Variants in KLK6 observed in about 807,000 individuals in gnomAD.
KLK6 encodes kallikrein-6.
Under a neutral mutation model 21.7 loss-of-function variants are expected in KLK6, and 16 were observed. That is an observed-to-expected ratio of 0.74 (90% CI 0.50 to 1.12). The LOEUF (loss-of-function observed/expected upper bound fraction) is 1.12. KLK6 is among the 50% of genes most tolerant of loss of function. KLK6 has a pLI of 0.00. For missense variants in KLK6, 276 were observed against 304.6 expected (o/e 0.91, Z 0.70); for synonymous variants, 116 against 120.1 (o/e 0.97, Z 0.22).
At chr19:50,968,767 T>C (rs1379450145) in intron 1 of KLK6, 176 bp from the exon 2 acceptor site, 1 of 154,154 alleles carries the variant, frequency 6.5e-6, no homozygotes, top group Non-Finnish European at 1.4e-5. Context: ...GCTGGTTCTG[T>C]CCCCAGATGC....
chr19:50,961,424 G>A (rs906416925), intron 6 of KLK6, among the ~76,000 whole-genome samples: 5 of 152,186 alleles, frequency 3.3e-5, no homozygotes, highest in South Asian at 4.1e-4. Flanking sequence ...CTCCTGCTTC[G>A]GCCTCCCAAA....
At chr19:50,966,955 T>TTTCAA (rs2090935989) in intron 4 of KLK6, among the ~76,000 whole-genome samples, 2 of 152,072 alleles carry the variant, frequency 1.3e-5, no homozygotes, top group Non-Finnish European at 2.9e-5. Flanking sequence ...TGCTTGTTTT[T>TTTCAA]TTTTGTTTTC....
At chr19:50,965,094 T>TTTTG (rs564163261) in intron 4 of KLK6, among the ~76,000 whole-genome samples, 1 of 152,196 alleles carries the variant, frequency 6.6e-6, no homozygotes, top group Non-Finnish European at 1.5e-5. Context: ...GGTTTGCTTC[T>TTTTG]TTTGTTTGTT....
Position 50,967,169 on chromosome 19 carries a change from G to T in KLK6, c.197C>A (p.Pro66Gln). ...WVLTAAHCKK[P>Q]NLQVFLGKHN... is the part of the protein sequence containing the mutation. Reference sequence around the variant, plus strand: ...CTGTTCATTTACAGTGTAGACTCACGGTTTTTTGCAGTGGGCAGCTGTGAG... The same window carrying T: ...CTGTTCATTTACAGTGTAGACTCACTGTTTTTTGCAGTGGGCAGCTGTGAG... The change falls in exon 4 of 7, where the codon CCG (proline) becomes CAG (glutamine). Residue 66 changes from proline to glutamine, a missense_variant and splice_region_variant. Transcript: ENST00000310157. 1 of 1,613,882 alleles carries T rather than the reference G, an allele frequency of 6.2e-7. No individual in the cohort carries two copies. Among genetic ancestry groups the T allele is most frequent in the Non-Finnish European group, 8.5e-7 (1 of 1,179,962 alleles).
intron 1 of KLK6, among the ~76,000 whole-genome samples, chr19:50,969,169 G>A (rs1227349280): frequency 3.4e-5 from 5 of 148,740 alleles, no homozygotes; most frequent in African/African-American, 9.9e-5. Flanking sequence ...GGAGGAGGTG[G>A]GAACTTGGAC....
Position 50,961,888 on chromosome 19 carries a change from G to A in KLK6, c.446-8C>T. 6.2e-7 allele frequency: 1 copy of A among 1,612,222 alleles called. No individual in the cohort carries two copies. Among genetic ancestry groups the A allele is most frequent in the Non-Finnish European group, 8.5e-7 (1 of 1,179,022 alleles). On this transcript the variant is annotated splice_region_variant and splice_polypyrimidine_tract_variant and intron_variant, in intron 5 of 6. Coordinates refer to ENST00000310157, the MANE Select transcript of KLK6 (RefSeq NM_002774.4). Reference sequence around the variant, plus strand: ...TGGTGTCAGGGAAATCACCTGTTAGGGGAGAGATGGGCCAGACTCAGCCCA... The same window carrying A: ...TGGTGTCAGGGAAATCACCTGTTAGAGGAGAGATGGGCCAGACTCAGCCCA...
intron 6 of KLK6, among the ~76,000 whole-genome samples, chr19:50,961,120 G>T: frequency 3.2e-5 from 1 of 31,388 alleles, no homozygotes; most frequent in African/African-American, 1.6e-4. Context: ...GGCTGGTCTC[G>T]AACTCCTGAC....
intron 4 of KLK6, among the ~76,000 whole-genome samples, chr19:50,964,321 C>T (rs1005689578): frequency 1.3e-5 from 2 of 152,226 alleles, no homozygotes; most frequent in Non-Finnish European, 2.9e-5. Context: ...CAATTCCTAT[C>T]TCCCTCCCCT....
At position 50,959,180 on chromosome 19, in the gene KLK6, G is replaced by GT. The variant is rs750767249; in HGVS notation, c.718dup (p.Thr240AsnfsTer45). ...ATGTCAGGGTCACTTGGCCTGAATG[G>GT]TTTTTTGGATCCAGTTCGTGTATCT... On this transcript the variant is annotated frameshift_variant, in exon 7 of 7. Transcript: ENST00000310157. LOFTEE classifies it high-confidence loss of function. 6.2e-6 allele frequency: 10 copies of GT among 1,614,128 alleles called. No homozygotes were observed. In the East Asian group the frequency reaches 1.6e-4, roughly 25 times the overall value.
chr19:50,958,876 G>T lies in KLK6; in HGVS notation c.*288C>A. On this transcript the variant is annotated 3_prime_UTR_variant, in exon 7 of 7. Coordinates refer to ENST00000310157, the MANE Select transcript of KLK6 (RefSeq NM_002774.4). ...GGGCCTCTGCAGGAAGAAATCAAACGTGTGGAAGGGTTGGGGAGAGGAGAT... is the reference window on the plus strand; with the variant it reads ...GGGCCTCTGCAGGAAGAAATCAAACTTGTGGAAGGGTTGGGGAGAGGAGAT... 2.5e-6 allele frequency: 1 copy of T among 403,328 alleles called. No individual in the cohort carries two copies. 25.0% of individuals were successfully genotyped at this position (403,328 alleles called of 1,614,324 possible). A position where few individuals can be genotyped will look rare whatever the true frequency, so the allele number is the denominator to read the frequency against.
chr19:50,969,567 C>G lies in KLK6; in HGVS notation c.-137G>C, dbSNP rs2090982875. 1 of 152,452 alleles carries G rather than the reference C, an allele frequency of 6.6e-6. No individual in the cohort carries two copies. Among genetic ancestry groups the G allele is most frequent in the Non-Finnish European group, 1.5e-5 (1 of 68,308 alleles). The allele number at this position is 152,452 out of a possible 1,614,324, so 9.4% of individuals were successfully genotyped here. ...AGAGCGAGCCAGCCAGCCGGGGAGACAGCTACAGCGTGTGTCACCACACTG... is the reference window on the plus strand; with the variant it reads ...AGAGCGAGCCAGCCAGCCGGGGAGAGAGCTACAGCGTGTGTCACCACACTG... On this transcript the variant is annotated 5_prime_UTR_variant, in exon 1 of 7. Coordinates refer to ENST00000310157, the MANE Select transcript of KLK6 (RefSeq NM_002774.4).
chr19:50,968,227 T>TG, intron 2 of KLK6, 115 bp from the exon 3 acceptor site: 2 of 922,568 alleles, frequency 2.2e-6, no homozygotes, highest in South Asian at 2.6e-5. Context: ...TCTCCTGCCT[T>TG]GACCTCTGTC....
chr19:50,960,272 T>C (rs1442582007), intron 6 of KLK6, among the ~76,000 whole-genome samples: 1 of 151,914 alleles, frequency 6.6e-6, no homozygotes, highest in Non-Finnish European at 1.5e-5. Context: ...CTCGCCCACC[T>C]GCCCTTTCTT....
intron 3 of KLK6, among the ~76,000 whole-genome samples, 196 bp downstream of exon 3, chr19:50,967,869 C>G (rs531175393): frequency 6.6e-6 from 1 of 151,756 alleles, no homozygotes; most frequent in East Asian, 1.9e-4. Context: ...CCCAAACCCT[C>G]ATATCTTCAA....
chr19:50,960,464 G>A (rs556105751), intron 6 of KLK6, among the ~76,000 whole-genome samples: 1 of 152,060 alleles, frequency 6.6e-6, no homozygotes, highest in Non-Finnish European at 1.5e-5. Flanking sequence ...TAAAGTATTC[G>A]GGAGGGAGTC....
rs1021139548 is a variant in KLK6 at position 50,961,976 on chromosome 19, A to G, written c.446-96T>C. The G allele has an allele frequency of 2.3e-6, 3 of 1,329,510 alleles. No individual in the cohort carries two copies. The African/African-American group carries it at 4.6e-5, about 21-fold the overall frequency. The allele number at this position is 1,329,510 out of a possible 1,614,324, so 82.4% of individuals were successfully genotyped here. A position where few individuals can be genotyped will look rare whatever the true frequency, so the allele number is the denominator to read the frequency against. On this transcript the variant is annotated intron_variant, in intron 5 of 6. Coordinates refer to ENST00000310157, the MANE Select transcript of KLK6 (RefSeq NM_002774.4). ...AACCCCTATAAGTCCTCCATCCTCT[A>G]TTGGTCCCTCTTTTCTATTGGCACC...
chr19:50,960,674 C>T (rs1170724298), intron 6 of KLK6, among the ~76,000 whole-genome samples: 1 of 152,128 alleles, frequency 6.6e-6, no homozygotes, highest in Non-Finnish European at 1.5e-5. Flanking sequence ...CTCACTGCAG[C>T]CTCTGCCTCC....
chr19:50,967,714 A>AT (rs1425188862), intron 3 of KLK6, among the ~76,000 whole-genome samples: 2 of 151,742 alleles, frequency 1.3e-5, no homozygotes, highest in East Asian at 3.9e-4. Flanking sequence ...CAAAAAAAAA[A>AT]AGCTTCTCTG....
intron 3 of KLK6, 84 bp from the exon 4 acceptor site, chr19:50,967,409 G>A (rs909468273): frequency 2.2e-5 from 30 of 1,354,926 alleles, no homozygotes; most frequent in South Asian, 2.8e-5. Flanking sequence ...GTCAAGATTG[G>A]TCAGGTGCAG....
Sources: gnomAD v4.1 joint callset for allele counts (sites outside exome capture counted in the v4.1 genomes callset) on GRCh38, gnomAD v4.1.1 for gene constraint, MANE v1.5 for transcripts, NCBI Gene and HGNC (gene_info 2026-07-23, HGNC 2026-07-21) for gene names.